NRG3: variants seen among roughly 807,000 people sequenced by gnomAD.
The protein encoded by NRG3 is pro-neuregulin-3, membrane-bound isoform.
A neutral mutation model predicts 66.9 loss-of-function variants in NRG3; 31 were observed. The observed-to-expected ratio is 0.46, with a 90% CI of 0.35 to 0.63. The LOEUF (loss-of-function observed/expected upper bound fraction) is 0.63. Among genes scored for constraint, NRG3 ranks in the 20% least tolerant of loss-of-function variants. The pLI is 0.00. For synonymous variants in NRG3, 393 were observed against 359.4 expected (o/e 1.09, Z -1.06); for missense variants, 910 against 878.9 (o/e 1.04, Z -0.45).
intron 1 of NRG3, among the ~76,000 whole-genome samples, chr10:81,963,617 T>C (rs73306572): frequency 0.035 from 5,391 of 152,256 alleles, 327 homozygotes; most frequent in African/African-American, 0.12. Flanking sequence ...TCAGGTGAGT[T>C]GTTAGTGTGA....
rs73304636 is a variant in NRG3, at chr10:82,222,522, A to T, written c.824-136217A>T. 1.8e-3 allele frequency among the ~76,000 whole-genome samples: 277 copies of T among 152,254 alleles called. 1 individual carries two copies. Among genetic ancestry groups the T allele is most frequent in the African/African-American group, 6.4e-3 (267 of 41,564 alleles). On this transcript the variant is annotated intron_variant, in intron 1 of 8. Transcript: ENST00000372141. The stretch of plus-strand genomic sequence containing the variant: ...ACCCCTGGGTTTCTGCTCTTGAGAC[A>T]TTGCCAGAGGCCAAATTAGGCCAAG...
intron 1 of NRG3, among the ~76,000 whole-genome samples, chr10:81,910,955 C>A (rs1363917724): frequency 3.9e-5 from 6 of 152,176 alleles, no homozygotes; most frequent in African/African-American, 9.7e-5. Context: ...CTGTGCCAGG[C>A]CTCTTTCTTA....
At chr10:82,181,262 TTCA>T (rs1356243925) in intron 1 of NRG3, among the ~76,000 whole-genome samples, 3 of 151,766 alleles carry the variant, frequency 2.0e-5, no homozygotes, top group Admixed American at 2.0e-4. Flanking sequence ...TGTTCTAACC[TTCA>T]TTATTTTCTC....
chr10:82,725,091 G>A (rs111737121), intron 2 of NRG3, among the ~76,000 whole-genome samples: 8 of 152,248 alleles, frequency 5.3e-5, no homozygotes, highest in South Asian at 4.1e-4. Flanking sequence ...TCTGTTACAC[G>A]TCTGTATTCA....
chr10:82,669,596 C>G (rs982651201), intron 2 of NRG3, among the ~76,000 whole-genome samples: 3 of 152,126 alleles, frequency 2.0e-5, no homozygotes, highest in Non-Finnish European at 4.4e-5. Context: ...AATGGCCTTT[C>G]TGGGACACAT....
chr10:82,445,869 A>G (rs1041104322), intron 2 of NRG3, among the ~76,000 whole-genome samples: 2 of 152,268 alleles, frequency 1.3e-5, no homozygotes, highest in Non-Finnish European at 2.9e-5. Flanking sequence ...TACTGAGTGC[A>G]GAACCAGTTT....
rs144423078 is a variant in NRG3, at chr10:82,956,251, G to A, written c.1158-2698G>A. ...ATTTAAAACTCAAATGAACTGTAAA[G>A]TTTCCACACTGACACTGTTGGGCTA... On this transcript the variant is annotated intron_variant, in intron 5 of 8. Transcript: ENST00000372141. Among the ~76,000 whole-genome samples, 305 of 152,110 alleles carry A rather than the reference G, an allele frequency of 2.0e-3. 13 individuals carry two copies. The highest frequency in any genetic ancestry group is 7.1e-3 in the African/African-American group (294 of 41,342).
intron 1 of NRG3, among the ~76,000 whole-genome samples, chr10:81,997,754 A>G (rs1210752933): frequency 1.3e-5 from 2 of 152,086 alleles, no homozygotes; most frequent in African/African-American, 4.8e-5. Context: ...ATTTTTATTA[A>G]GTGCCATTGC....
chr10:82,348,500 A>T (rs1328740552), intron 1 of NRG3, among the ~76,000 whole-genome samples: 1 of 149,774 alleles, frequency 6.7e-6, no homozygotes, highest in African/African-American at 2.5e-5. Context: ...TGCTCTTAAC[A>T]TTTTTTCCTT....
intron 2 of NRG3, among the ~76,000 whole-genome samples, chr10:82,634,065 C>T (rs778843532): frequency 7.0e-4 from 107 of 152,168 alleles, no homozygotes; most frequent in Admixed American, 1.5e-3. Flanking sequence ...GACAACGGGC[C>T]CATGAGATAT....
intron 1 of NRG3, among the ~76,000 whole-genome samples, chr10:82,089,040 A>G (rs1047945919): frequency 1.3e-5 from 2 of 152,080 alleles, no homozygotes; most frequent in African/African-American, 4.8e-5. Flanking sequence ...GAAATGTCAA[A>G]TGATGAAAAT....
intron 1 of NRG3, among the ~76,000 whole-genome samples, chr10:82,018,922 T>C (rs1049510723): frequency 6.7e-6 from 1 of 148,166 alleles, no homozygotes; most frequent in Non-Finnish European, 1.5e-5. Context: ...TCGAATACAC[T>C]TTTTTTCTTT....
chr10:81,888,530 T>C (rs1279016760), intron 1 of NRG3, among the ~76,000 whole-genome samples: 1 of 152,120 alleles, frequency 6.6e-6, no homozygotes, highest in Non-Finnish European at 1.5e-5. Context: ...GAAAAGCATA[T>C]GAGGCCATTT....
intron 1 of NRG3, among the ~76,000 whole-genome samples, chr10:81,954,339 A>G (rs1026649483): frequency 1.3e-5 from 2 of 152,198 alleles, no homozygotes; most frequent in Non-Finnish European, 2.9e-5. Flanking sequence ...AATGTATACT[A>G]TATAGTTAAT....
intron 3 of NRG3, among the ~76,000 whole-genome samples, chr10:82,793,380 G>T (rs1453089422): frequency 1.3e-5 from 2 of 152,130 alleles, no homozygotes; most frequent in African/African-American, 4.8e-5. Context: ...TGCTGAGACA[G>T]TATTAGGGAG....
chr10:82,784,423 C>G (rs1254436612), intron 3 of NRG3, among the ~76,000 whole-genome samples: 1 of 151,878 alleles, frequency 6.6e-6, no homozygotes, highest in Non-Finnish European at 1.5e-5. Context: ...GAACAGGCAA[C>G]CTACAAAATG....
intron 2 of NRG3, among the ~76,000 whole-genome samples, chr10:82,737,069 G>A (rs1337956940): frequency 1.3e-5 from 2 of 152,068 alleles, no homozygotes; most frequent in Non-Finnish European, 1.5e-5. Context: ...AGTACACAAA[G>A]TATTTTCTGA....
intron 4 of NRG3, among the ~76,000 whole-genome samples, chr10:82,886,793 G>A (rs952840880): frequency 3.3e-5 from 5 of 152,130 alleles, no homozygotes; most frequent in Non-Finnish European, 7.3e-5. Flanking sequence ...TCTGCTACTA[G>A]GCATAGTCTT....
intron 1 of NRG3, among the ~76,000 whole-genome samples, chr10:81,881,841 C>CT (rs539092627): frequency 1.4e-3 from 216 of 150,762 alleles, no homozygotes; most frequent in South Asian, 6.5e-3. Context: ...TAACTATCAG[C>CT]TTTTTTTTTC....
Sources: gnomAD v4.1 joint callset for allele counts (sites outside exome capture counted in the v4.1 genomes callset) on GRCh38, gnomAD v4.1.1 for gene constraint, MANE v1.5 for transcripts, NCBI Gene and HGNC (gene_info 2026-07-23, HGNC 2026-07-21) for gene names.